Variants in DSCAML1 observed in about 807,000 individuals in gnomAD.
DSCAML1 encodes the protein DS cell adhesion molecule like 1.
DSCAML1 carries 38 observed loss-of-function variants against 200.5 expected under a neutral mutation model. The ratio of observed to expected loss-of-function variants is 0.19; its 90% CI spans 0.15 to 0.25. The LOEUF is 0.25. DSCAML1 is among the 10% of genes least tolerant of loss of function. The probability of loss-of-function intolerance (pLI) is 1.00; values close to 1 mark genes in which losing one functional copy is unlikely to be tolerated. For missense variants in DSCAML1, 2,223 were observed against 2,858.8 expected (o/e 0.78, Z 5.07); for synonymous variants, 1,215 against 1,165.0 (o/e 1.04, Z -0.87).
chr11:117,630,357 C>T (rs7949956), intron 3 of DSCAML1, among the ~76,000 whole-genome samples: 77,239 of 151,840 alleles, frequency 0.51, 19,919 homozygotes, highest in Admixed American at 0.62. Flanking sequence ...ACACACAACA[C>T]ACATCTGCTC....
At chr11:117,805,938 C>T (rs1057220352) in intron 1 of DSCAML1, among the ~76,000 whole-genome samples, 4 of 152,186 alleles carry the variant, frequency 2.6e-5, no homozygotes, top group African/African-American at 9.7e-5. Context: ...CAGTGGCTGG[C>T]AGGTGAAGGG....
At chr11:117,797,875 C>T (rs1250368405), upstream of DSCAML1, among the ~76,000 whole-genome samples, 1 of 152,250 alleles carries the variant, frequency 6.6e-6, no homozygotes, top group East Asian at 1.9e-4. Flanking sequence ...TTTGTCTTCA[C>T]CTACCCACCC....
At chr11:117,782,472 T>C (rs899907717) in intron 1 of DSCAML1, among the ~76,000 whole-genome samples, 1 of 152,168 alleles carries the variant, frequency 6.6e-6, no homozygotes, top group African/African-American at 2.4e-5. Flanking sequence ...GGCCTCGCCA[T>C]TCTCCTCTTC....
intron 3 of DSCAML1, among the ~76,000 whole-genome samples, chr11:117,551,424 T>G (rs942032508): frequency 6.6e-6 from 1 of 152,086 alleles, no homozygotes; most frequent in African/African-American, 2.4e-5. Flanking sequence ...TATAAGTCAT[T>G]AGGTTGTCTA....
chr11:117,552,316 T>C lies in DSCAML1; in HGVS notation c.512-19794A>G, dbSNP rs77120546. Among the ~76,000 whole-genome samples, 414 of 152,028 alleles carry C rather than the reference T, an allele frequency of 2.7e-3. 2 individuals are homozygous for C. The highest frequency in any genetic ancestry group is 9.4e-3 in the African/African-American group (391 of 41,502). On this transcript the variant is annotated intron_variant, in intron 3 of 32. Coordinates refer to ENST00000651296, the MANE Select transcript of DSCAML1 (RefSeq NM_020693.4). ...CCTAATCTCATCTTGTTGCATCTCCTATGGAGCAAATAGAACCATCCCCAA... is the reference window on the plus strand; with the variant it reads ...CCTAATCTCATCTTGTTGCATCTCCCATGGAGCAAATAGAACCATCCCCAA...
At position 117,431,653 on chromosome 11, in the gene DSCAML1, T is replaced by C. The variant is rs1380937377; in HGVS notation, c.5255A>G (p.Lys1752Arg). 11 of 1,613,012 alleles carry C rather than the reference T, an allele frequency of 6.8e-6. No homozygotes were observed. Among genetic ancestry groups the C allele is most frequent in the Non-Finnish European group, 9.3e-6 (11 of 1,179,364 alleles). ...GCGGGCAGGTGTGGAGGCCTGGCAC[T>C]TGGTCAGGGTCCACTGGCTTGAGTA... ...NRYSSQWTLT[K>R]CQASTPARTL... The change falls in exon 31 of 33, where the codon AAG becomes AGG. Residue 1752 changes from lysine to arginine, a missense_variant. This residue lies in a region of DSCAML1 where 614 missense variants were observed against 739.1 expected (regional missense o/e 0.83). Transcript: ENST00000651296.
chr11:117,807,225 T>C (rs2055714218), intron 1 of DSCAML1, among the ~76,000 whole-genome samples: 1 of 152,238 alleles, frequency 6.6e-6, no homozygotes, highest in Non-Finnish European at 1.5e-5. Context: ...TGAATTTTTA[T>C]CGCTGAAGCC....
intron 3 of DSCAML1, among the ~76,000 whole-genome samples, chr11:117,762,235 G>A (rs946747124): frequency 2.6e-5 from 4 of 152,188 alleles, no homozygotes; most frequent in African/African-American, 2.4e-5. Context: ...TGGAGTGATT[G>A]TTTTATTTAT....
At chr11:117,750,631 G>A (rs1205231978) in intron 3 of DSCAML1, among the ~76,000 whole-genome samples, 1 of 152,200 alleles carries the variant, frequency 6.6e-6, no homozygotes, top group African/African-American at 2.4e-5. Flanking sequence ...GAAACAGAGT[G>A]TAGGCCTCTG....
chr11:117,777,017 G>C, intron 2 of DSCAML1, 80 bp from the exon 3 acceptor site: 1 of 1,445,508 alleles, frequency 6.9e-7, no homozygotes, highest in Admixed American at 1.8e-5. Context: ...CAGGGAGTCA[G>C]CTCAACTCCC....
intron 3 of DSCAML1, among the ~76,000 whole-genome samples, chr11:117,648,898 T>C (rs148389455): frequency 3.1e-4 from 47 of 152,174 alleles, no homozygotes; most frequent in African/African-American, 1.0e-3. Context: ...AGACCAAAGA[T>C]GAGGAATGTG....
At chr11:117,805,801 C>G (rs1403644513) in intron 1 of DSCAML1, among the ~76,000 whole-genome samples, 1 of 152,222 alleles carries the variant, frequency 6.6e-6, no homozygotes. Flanking sequence ...TCCCTGCCCT[C>G]AGGAAGCTTG....
intron 3 of DSCAML1, among the ~76,000 whole-genome samples, chr11:117,542,297 AAAAACAAAACAAAAC>A (rs71037484): frequency 2.8e-5 from 4 of 140,550 alleles, no homozygotes; most frequent in African/African-American, 7.7e-5. Flanking sequence ...TCCCTATCAA[AAAAACAAAACAAAAC>A]AAAACAAAAC....
At chr11:117,634,087 AGGCAAGC>A (rs1371554520) in intron 3 of DSCAML1, among the ~76,000 whole-genome samples, 1 of 152,226 alleles carries the variant, frequency 6.6e-6, no homozygotes, top group Non-Finnish European at 1.5e-5. Context: ...ACAGTCTAGC[AGGCAAGC>A]GGCAAGTATC....
chr11:117,470,080 T>C, intron 15 of DSCAML1, 100 bp from the exon 16 acceptor site: 1 of 1,135,124 alleles, frequency 8.8e-7, no homozygotes, highest in South Asian at 2.3e-5. Context: ...GGAGGGCTCC[T>C]GGGGAGAAGA....
intron 32 of DSCAML1, among the ~76,000 whole-genome samples, chr11:117,430,130 T>G (rs1342381369): frequency 6.6e-6 from 1 of 152,218 alleles, no homozygotes; most frequent in Non-Finnish European, 1.5e-5. Context: ...CTGCTGATCC[T>G]AGCCCTGCCC....
Position 117,521,182 on chromosome 11 carries a change from G to A in DSCAML1, c.1161C>T (p.Phe387=), listed in dbSNP as rs201885279. The A allele has an allele frequency of 2.3e-4, 374 of 1,614,034 alleles. 1 individual carries two copies. Among genetic ancestry groups the A allele is most frequent in the Non-Finnish European group, 8.1e-5 (96 of 1,180,048 alleles). Residue 387 remains phenylalanine (F), a synonymous_variant, in exon 6 of 33, where the codon TTC becomes TTT. Transcript: ENST00000651296. ...QKSHSGAYQC[F]ATRKAQTAQD... ...GGGCGGTCTGGGCCTTGCGGGTAGC[G>A]AAGCACTGGTAGGCCCCGGAATGGC...
At chr11:117,650,599 C>T (rs1316004526) in intron 3 of DSCAML1, among the ~76,000 whole-genome samples, 2 of 151,780 alleles carry the variant, frequency 1.3e-5, no homozygotes, top group African/African-American at 2.4e-5. Flanking sequence ...GTCACAGTAC[C>T]GAGCTGGTGA....
chr11:117,566,818 A>G (rs1266655356), intron 3 of DSCAML1, among the ~76,000 whole-genome samples: 1 of 150,300 alleles, frequency 6.7e-6, no homozygotes, highest in Non-Finnish European at 1.5e-5. Context: ...TATGAGTGAG[A>G]ATATGCGGTG....
Sources: gnomAD v4.1 joint callset for allele counts (sites outside exome capture counted in the v4.1 genomes callset) on GRCh38, gnomAD v4.1.1 for gene constraint, gnomAD v4.1.1 regional missense constraint, MANE v1.5 for transcripts, NCBI Gene and HGNC (gene_info 2026-07-23, HGNC 2026-07-21) for gene names.